Variants in TCEANC2 observed in about 807,000 individuals in gnomAD.
TCEANC2 encodes the protein transcription elongation factor A N-terminal and central domain containing 2, also known as transcription elongation factor A N-terminal and central domain-containing protein 2.
A neutral mutation model predicts 22.8 loss-of-function variants in TCEANC2; 20 were observed. The ratio of observed to expected loss-of-function variants is 0.88; its 90% confidence interval spans 0.62 to 1.28. TCEANC2 has a LOEUF of 1.28. Among genes scored for constraint, TCEANC2 ranks in the 50% most tolerant of loss-of-function variants. The pLI is 0.00. For synonymous variants in TCEANC2, 84 were observed against 95.5 expected (o/e 0.88, Z 0.70); for missense variants, 251 against 249.7 (o/e 1.01, Z -0.03).
chr1:54,084,472 A>ACATGTGT (rs1658300986), intron 3 of TCEANC2, among the ~76,000 whole-genome samples: 1 of 152,196 alleles, frequency 6.6e-6, no homozygotes, highest in African/African-American at 2.4e-5. Flanking sequence ...TCTTCTTTGT[A>ACATGTGT]CACTTTGGCA....
At chr1:54,093,841 A>G (rs1658493323) in intron 4 of TCEANC2, among the ~76,000 whole-genome samples, 1 of 152,162 alleles carries the variant, frequency 6.6e-6, no homozygotes, top group Non-Finnish European at 1.5e-5. Context: ...CTCAAAAAAA[A>G]AAAGACTTTC....
At chr1:54,088,831 A>T (rs755631879) in intron 4 of TCEANC2, 41 bp downstream of exon 4, 2 of 1,397,988 alleles carry the variant, frequency 1.4e-6, no homozygotes, top group African/African-American at 1.5e-5. Context: ...TACCCATAAT[A>T]ATTAATTTTT....
rs745878111 is a variant in TCEANC2, at chr1:54,096,429, G to A, written c.583G>A (p.Gly195Ser). The A allele has an allele frequency of 6.2e-6, 10 of 1,612,666 alleles. No individual in the cohort carries two copies. Among genetic ancestry groups the A allele is most frequent in the Admixed American group, 1.7e-5 (1 of 60,014 alleles). ...TGAAATCCGGGCTCAGGTGAAGAGC[G>A]GCTCGCTGCCAGTCGGCACGTTTGT... The part of the protein sequence containing the change: ...RAEIRAQVKS[G>S]SLPVGTFVQT... The change falls in exon 5 of 5, where the codon GGC becomes AGC. Residue 195 changes from glycine (G) to serine (S), a missense_variant. Coordinates refer to ENST00000234827, the MANE Select transcript of TCEANC2 (RefSeq NM_153035.3). This position sits in a 1 kb window ranked among gnomAD's most constrained non-coding sequence, Gnocchi z 4.9.
chr1:54,089,942 TAC>T (rs1315925371), intron 4 of TCEANC2: 13 of 771,936 alleles, frequency 1.7e-5, no homozygotes, highest in Non-Finnish European at 2.9e-5. Flanking sequence ...ACCGGAAACG[TAC>T]ACCTGATTTT....
In TCEANC2 at chr1:54,056,012, C is replaced by T. The variant is rs538271528; in HGVS notation, c.102+1488C>T. On this transcript the variant is annotated intron_variant, in intron 2 of 4. Transcript: ENST00000234827. The stretch of plus-strand genomic sequence containing the variant: ...AGGCACTTAATGCCAATGGCACCTC[C>T]CATTCTGATAACTGAAAATGCCTTC... 7.9e-5 allele frequency among the ~76,000 whole-genome samples: 12 copies of T among 152,312 alleles called. No homozygotes were observed. In the East Asian group the frequency reaches 1.7e-3, roughly 22 times the overall value.
Position 54,102,421 on chromosome 1 carries a change from C to G in TCEANC2, c.*5948C>G, listed in dbSNP as rs1658677834. On this transcript the variant is annotated 3_prime_UTR_variant, in exon 5 of 5. Transcript: ENST00000234827. The stretch of plus-strand genomic sequence containing the variant: ...TCTTAAGAAACAACTCTTGATGCTA[C>G]AGGGTTCTGGTAGAGACAGATCATC... 6.6e-6 allele frequency: 1 copy of G among 152,230 alleles called. No individual in the cohort carries two copies. The highest frequency in any genetic ancestry group is 2.1e-4 in the South Asian group (1 of 4,834). The allele number at this position is 152,230 out of a possible 1,614,324, so 9.4% of individuals were successfully genotyped here. A position where few individuals can be genotyped will look rare whatever the true frequency, so the allele number is the denominator to read the frequency against.
intron 4 of TCEANC2, among the ~76,000 whole-genome samples, chr1:54,093,599 G>A (rs1295871498): frequency 6.6e-6 from 1 of 152,074 alleles, no homozygotes; most frequent in African/African-American, 2.4e-5. Flanking sequence ...CCCACTTCTA[G>A]GATGTGAGTT....
downstream of TCEANC2, among the ~76,000 whole-genome samples, chr1:54,107,403 G>A (rs372002555): frequency 1.7e-4 from 26 of 152,160 alleles, no homozygotes; most frequent in East Asian, 2.3e-3. Flanking sequence ...GCTTGGTTAC[G>A]TTAGTTTTTG....
Position 54,104,884 on chromosome 1 carries a change from C to T in TCEANC2, c.*8411C>T, listed in dbSNP as rs147531478. On this transcript the variant is annotated 3_prime_UTR_variant, in exon 5 of 5. Transcript: ENST00000234827. The stretch of plus-strand genomic sequence containing the variant: ...AAAATAATTATACAAGTGCCCAGAC[C>T]GTGACCTGAGCAGGATATGCTGACT... 2.2e-4 allele frequency: 66 copies of T among 301,996 alleles called. No homozygotes were observed. Among genetic ancestry groups the T allele is most frequent in the African/African-American group, 1.2e-3 (57 of 45,920 alleles). 18.7% of individuals were successfully genotyped at this position (301,996 alleles called of 1,614,324 possible).
Position 54,104,377 on chromosome 1 carries a change from A to G in TCEANC2, c.*7904A>G. 3.8e-6 allele frequency: 1 copy of G among 264,942 alleles called. No individual in the cohort carries two copies. Among genetic ancestry groups the G allele is most frequent in the South Asian group, 4.0e-5 (1 of 24,828 alleles). The allele number at this position is 264,942 out of a possible 1,614,324, so 16.4% of individuals were successfully genotyped here. A position where few individuals can be genotyped will look rare whatever the true frequency, so the allele number is the denominator to read the frequency against. On this transcript the variant is annotated 3_prime_UTR_variant, in exon 5 of 5. Coordinates refer to ENST00000234827, the MANE Select transcript of TCEANC2 (RefSeq NM_153035.3). ...CTGCACCCGGGCACTTGAGCTCCTC[A>G]TATCAGGAGACTACTAGGCAAGAAC...
At chr1:54,071,775 C>A (rs551028927) in intron 3 of TCEANC2, among the ~76,000 whole-genome samples, 4 of 152,024 alleles carry the variant, frequency 2.6e-5, no homozygotes, top group African/African-American at 7.3e-5. Flanking sequence ...CCTGCAAATT[C>A]ATGTTCCATT....
At position 54,094,693 on chromosome 1, in the gene TCEANC2, C is replaced by G. The variant is rs1169275110; in HGVS notation, c.439-1592C>G. ...GCCTTAGTCACTGTTTATTGCTCAG[C>G]CCAAGCACAGAGCCTGGCACATAGT... On this transcript the variant is annotated intron_variant, in intron 4 of 4. Transcript: ENST00000234827. 1.3e-4 allele frequency among the ~76,000 whole-genome samples: 20 copies of G among 152,182 alleles called. 1 individual carries two copies. The highest frequency in any genetic ancestry group is 1.2e-3 in the Admixed American group (18 of 15,276).
Position 54,101,171 on chromosome 1 carries a change from C to T in TCEANC2, c.*4698C>T, listed in dbSNP as rs938592488. 3 of 152,184 alleles carry T rather than the reference C, an allele frequency of 2.0e-5. No individual in the cohort carries two copies. Among genetic ancestry groups the T allele is most frequent in the Non-Finnish European group, 2.9e-5 (2 of 68,036 alleles). The allele number at this position is 152,184 out of a possible 1,614,324, so 9.4% of individuals were successfully genotyped here. ...TTTCTTTTGCTGTAGCCTCAGGCCT[C>T]AGAACCTTACTCTGAGATTGGTAAT... On this transcript the variant is annotated 3_prime_UTR_variant, in exon 5 of 5. Transcript: ENST00000234827.
chr1:54,067,135 G>T (rs899979458), intron 2 of TCEANC2, among the ~76,000 whole-genome samples: 8 of 152,248 alleles, frequency 5.3e-5, no homozygotes, highest in African/African-American at 1.9e-4. Context: ...AAAGTCTAAA[G>T]ACAGAGAGTG....
chr1:54,056,911 G>C lies in TCEANC2; in HGVS notation c.102+2387G>C, dbSNP rs1382734959. ...ACAAAAGTTAGCTGGGTATGGTGGGGAGCGCCTGTAGTCACAGCTACTTGG... is the reference window on the plus strand; with the variant it reads ...ACAAAAGTTAGCTGGGTATGGTGGGCAGCGCCTGTAGTCACAGCTACTTGG... On this transcript the variant is annotated intron_variant, in intron 2 of 4. Coordinates refer to ENST00000234827, the MANE Select transcript of TCEANC2 (RefSeq NM_153035.3). 2.0e-5 allele frequency among the ~76,000 whole-genome samples: 3 copies of C among 151,934 alleles called. 1 individual carries two copies. Among genetic ancestry groups the C allele is most frequent in the Admixed American group, 2.0e-4 (3 of 15,252 alleles).
At position 54,088,617 on chromosome 1, in the gene TCEANC2, C is replaced by A. The variant is rs370305122; in HGVS notation, c.265C>A (p.Arg89Ser). 1.9e-6 allele frequency: 3 copies of A among 1,602,810 alleles called. No individual in the cohort carries two copies. Among genetic ancestry groups the A allele is most frequent in the Admixed American group, 1.7e-5 (1 of 57,588 alleles). ...TRIGHTVNKM[R>S]KHSDSEVASL... ...TCCAGGTCACACTGTGAACAAGATG[C>A]GTAAACACTCAGATTCAGAAGTGGC... The change falls in exon 4 of 5, where the codon CGT (arginine) becomes AGT (serine). Residue 89 changes from arginine (R) to serine (S), a missense_variant. Coordinates refer to ENST00000234827, the MANE Select transcript of TCEANC2 (RefSeq NM_153035.3).
intron 2 of TCEANC2, among the ~76,000 whole-genome samples, chr1:54,056,323 T>A (rs1657751515): frequency 6.6e-6 from 1 of 151,976 alleles, no homozygotes; most frequent in Admixed American, 6.6e-5. Context: ...TTTTCTTTTT[T>A]TTTGAGACGG....
At chr1:54,106,406 ATTAATT>A (rs1218272177), downstream of TCEANC2, among the ~76,000 whole-genome samples, 1 of 152,246 alleles carries the variant, frequency 6.6e-6, no homozygotes, top group Non-Finnish European at 1.5e-5. Flanking sequence ...AAGGAAACAA[ATTAATT>A]TTAATAATAT....
chr1:54,096,433 C>G lies in TCEANC2; in HGVS notation c.587C>G (p.Ser196Trp), dbSNP rs769935527. The G allele has an allele frequency of 6.2e-7, 1 of 1,612,506 alleles. No individual in the cohort carries two copies. The highest frequency in any genetic ancestry group is 1.1e-5 in the South Asian group (1 of 91,056). ...ATCCGGGCTCAGGTGAAGAGCGGCT[C>G]GCTGCCAGTCGGCACGTTTGTACAG... ...AEIRAQVKSG[S>W]LPVGTFVQTH... The change falls in exon 5 of 5, where the codon TCG (serine) becomes TGG (tryptophan). Residue 196 changes from serine to tryptophan, a missense_variant. Physicochemically the swap from Ser to Trp is radical, Grantham distance 177. Transcript: ENST00000234827. The surrounding 1 kb of genome is among the most constrained non-coding windows in gnomAD (Gnocchi z 4.9).
Sources: allele counts gnomAD v4.1 joint callset (sites outside exome capture counted in the v4.1 genomes callset), GRCh38; gene constraint gnomAD v4.1.1; non-coding constraint Gnocchi (gnomAD v3.1); transcripts MANE v1.5; gene names NCBI Gene and HGNC (gene_info 2026-07-23, HGNC 2026-07-21).